CDH18: variants seen among roughly 807,000 people sequenced by gnomAD.
CDH18 encodes the protein cadherin 18.
A neutral mutation model predicts 67.9 loss-of-function variants in CDH18; 31 were observed. That is an observed-to-expected ratio of 0.46 (90% confidence interval 0.34 to 0.62). The LOEUF (loss-of-function observed/expected upper bound fraction) is 0.62. Among genes scored for constraint, CDH18 ranks in the 20% least tolerant of loss-of-function variants. The pLI, the probability that CDH18 is intolerant of heterozygous loss-of-function variation, is 0.01. For synonymous variants in CDH18, 362 were observed against 347.2 expected, an observed-to-expected ratio of 1.04 and a Z score of -0.48; for missense variants, 890 against 975.5, an observed-to-expected ratio of 0.91 and a Z score of 1.17.
At chr5:19,990,920 A>G (rs1285853472), upstream of CDH18, among the ~76,000 whole-genome samples, 2 of 152,222 alleles carry the variant, frequency 1.3e-5, no homozygotes, top group Non-Finnish European at 2.9e-5. Context: ...TGTATCAATC[A>G]CCAGAATTTA....
intron 5 of CDH18, among the ~76,000 whole-genome samples, chr5:19,650,718 T>C (rs957517436): frequency 2.0e-5 from 3 of 152,034 alleles, no homozygotes; most frequent in Non-Finnish European, 2.9e-5. Flanking sequence ...GGATCTTTCA[T>C]TCAATTAGGG....
At chr5:19,807,772 G>A (rs1778184963) in intron 3 of CDH18, among the ~76,000 whole-genome samples, 1 of 152,116 alleles carries the variant, frequency 6.6e-6, no homozygotes, top group African/African-American at 2.4e-5. Flanking sequence ...CTTCCCCAGA[G>A]AGTTCTTCCC....
At chr5:20,279,709 A>AC (rs1746085712) in intron 1 of CDH18, among the ~76,000 whole-genome samples, 1 of 146,210 alleles carries the variant, frequency 6.8e-6, no homozygotes. Context: ...CAAAAAAAAA[A>AC]AAAAAAAAAA....
At chr5:20,546,547 A>G (rs1651448) in intron 1 of CDH18, among the ~76,000 whole-genome samples, 67,017 of 151,994 alleles carry the variant, frequency 0.44, 15,207 homozygotes, top group East Asian at 0.57. Flanking sequence ...GCAGCAAGAG[A>G]GAGTGAGAGA....
At chr5:19,570,162 A>G (rs1201006543) in intron 8 of CDH18, among the ~76,000 whole-genome samples, 1 of 152,124 alleles carries the variant, frequency 6.6e-6, no homozygotes, top group Non-Finnish European at 1.5e-5. Flanking sequence ...GGTCAAAAGT[A>G]TAATTAAAAA....
intron 5 of CDH18, among the ~76,000 whole-genome samples, chr5:19,715,393 T>C (rs1435274635): frequency 6.6e-6 from 1 of 152,200 alleles, no homozygotes; most frequent in Non-Finnish European, 1.5e-5. Context: ...AAAGGTCATC[T>C]TGAAGAATCA....
intron 2 of CDH18, among the ~76,000 whole-genome samples, chr5:20,130,772 C>G (rs1391935686): frequency 6.6e-6 from 1 of 151,962 alleles, no homozygotes; most frequent in Non-Finnish European, 1.5e-5. Context: ...AATCTCATAT[C>G]AATATAAGTA....
At chr5:20,330,723 T>G (rs188766572) in intron 1 of CDH18, among the ~76,000 whole-genome samples, 1 of 152,188 alleles carries the variant, frequency 6.6e-6, no homozygotes, top group Non-Finnish European at 1.5e-5. Flanking sequence ...AAGGGAAGAA[T>G]CAGGCGAGAA....
intron 2 of CDH18, among the ~76,000 whole-genome samples, chr5:19,907,662 A>C (rs1790678322): frequency 6.6e-6 from 1 of 152,022 alleles, no homozygotes. Flanking sequence ...GAAAATCATG[A>C]TGATAAATAT....
chr5:19,760,401 G>A (rs188594273), intron 3 of CDH18, among the ~76,000 whole-genome samples: 13 of 152,162 alleles, frequency 8.5e-5, no homozygotes, highest in African/African-American at 3.1e-4. Flanking sequence ...CTAGCCCTTT[G>A]GATCTCTTCC....
chr5:19,852,794 C>T (rs1200669535), intron 2 of CDH18, among the ~76,000 whole-genome samples: 1 of 151,984 alleles, frequency 6.6e-6, no homozygotes, highest in African/African-American at 2.4e-5. Flanking sequence ...AGTGAGAATT[C>T]GAATACTGGT....
chr5:19,846,081 C>G (rs963464835), intron 2 of CDH18, among the ~76,000 whole-genome samples: 1 of 151,738 alleles, frequency 6.6e-6, no homozygotes, highest in Non-Finnish European at 1.5e-5. Context: ...ATTTTTATCC[C>G]TGTTTTCCTC....
intron 1 of CDH18, among the ~76,000 whole-genome samples, chr5:20,437,180 G>A (rs1749234075): frequency 6.6e-6 from 1 of 151,156 alleles, no homozygotes; most frequent in Admixed American, 6.6e-5. Flanking sequence ...AATATTCATT[G>A]TATGAGGTGA....
At chr5:19,507,742 C>G (rs1237435420) in intron 10 of CDH18, among the ~76,000 whole-genome samples, 1 of 152,068 alleles carries the variant, frequency 6.6e-6, no homozygotes, top group African/African-American at 2.4e-5. Flanking sequence ...ACTTCACACA[C>G]TGGGGCCTGT....
chr5:19,794,784 G>A (rs915506242), intron 3 of CDH18, among the ~76,000 whole-genome samples: 4 of 152,084 alleles, frequency 2.6e-5, no homozygotes, highest in Non-Finnish European at 5.9e-5. Flanking sequence ...AATTCAATGT[G>A]TGAAATATGT....
chr5:20,033,057 A>T (rs1739541922), intron 2 of CDH18, among the ~76,000 whole-genome samples: 1 of 151,996 alleles, frequency 6.6e-6, no homozygotes, highest in Admixed American at 6.6e-5. Flanking sequence ...TTTTCCTTGC[A>T]TGTGACCTTG....
At chr5:20,566,365 T>C (rs893939601) in intron 1 of CDH18, among the ~76,000 whole-genome samples, 2 of 145,682 alleles carry the variant, frequency 1.4e-5, no homozygotes, top group African/African-American at 5.1e-5. Flanking sequence ...TTTTTCTTTT[T>C]TTTTTTTTTT....
At chr5:19,483,643 T>A (rs1326063508) in intron 11 of CDH18, 91 bp from the exon 12 acceptor site, 18 of 1,328,986 alleles carry the variant, frequency 1.4e-5, no homozygotes, top group Non-Finnish European at 1.7e-5. Flanking sequence ...GGGATGTGTA[T>A]CTTTCTTGTT....
At chr5:19,553,771 G>C (rs961374168) in intron 8 of CDH18, among the ~76,000 whole-genome samples, 1 of 151,262 alleles carries the variant, frequency 6.6e-6, no homozygotes, top group African/African-American at 2.4e-5. Context: ...CTCTGAAGAA[G>C]CTGGGACCAT....
Sources: gnomAD v4.1 joint callset for allele counts (sites outside exome capture counted in the v4.1 genomes callset) on GRCh38, gnomAD v4.1.1 for gene constraint, MANE v1.5 for transcripts, NCBI Gene and HGNC (gene_info 2026-07-23, HGNC 2026-07-21) for gene names.